SCML2: variants seen among roughly 807,000 people sequenced by gnomAD.
The protein encoded by SCML2 is Scm polycomb group protein like 2.
Under a neutral mutation model 48.4 loss-of-function variants are expected in SCML2, and 6 were observed. The ratio of observed to expected loss-of-function variants is 0.12; its 90% confidence interval spans 0.07 to 0.24. SCML2 has a LOEUF of 0.24. Ranked by LOEUF, SCML2 falls within the 10% of genes least tolerant of loss-of-function variation. The probability of loss-of-function intolerance (pLI) is 1.00; values close to 1 mark genes in which losing one functional copy is unlikely to be tolerated. For synonymous variants in SCML2, 181 were observed against 189.5 expected (o/e 0.95, Z 0.37); for missense variants, 377 against 528.2 (o/e 0.71, Z 2.81).
intron 7 of SCML2, among the ~76,000 whole-genome samples, chrX:18,274,400 AG>A (rs1315522220): frequency 8.9e-6 from 1 of 112,318 alleles, no homozygotes; most frequent in Non-Finnish European, 1.9e-5. Flanking sequence ...CCACCCATGA[AG>A]GGGTCAGGGA....
intron 7 of SCML2, among the ~76,000 whole-genome samples, chrX:18,284,654 C>A (rs1025349536): frequency 1.8e-5 from 2 of 112,433 alleles, no homozygotes; most frequent in Non-Finnish European, 3.8e-5. Flanking sequence ...AAAAAATGCT[C>A]ATCATCACTA....
intron 7 of SCML2, among the ~76,000 whole-genome samples, chrX:18,270,156 T>C (rs1258241910): frequency 9.3e-6 from 1 of 107,843 alleles, no homozygotes; most frequent in East Asian, 2.9e-4. Flanking sequence ...GCCTCCCAAG[T>C]AGCTAGGACT....
intron 1 of SCML2, among the ~76,000 whole-genome samples, chrX:18,340,914 A>G (rs895363687): frequency 8.9e-6 from 1 of 111,826 alleles, no homozygotes; most frequent in Non-Finnish European, 1.9e-5. Flanking sequence ...GTTCATAACT[A>G]TATTTATCAA....
intron 8 of SCML2, 152 bp downstream of exon 8, chrX:18,265,433 C>T (rs990312869): frequency 8.7e-6 from 4 of 457,194 alleles, no homozygotes; most frequent in African/African-American, 4.8e-5. Context: ...AACAATCTAT[C>T]GATAGTTATG....
intron 6 of SCML2, among the ~76,000 whole-genome samples, chrX:18,315,618 A>G (rs1417665333): frequency 9.0e-6 from 1 of 111,403 alleles, no homozygotes; most frequent in African/African-American, 3.3e-5. Flanking sequence ...ACACACGCCT[A>G]TGATAAAAAC....
intron 13 of SCML2, 128 bp downstream of exon 13, chrX:18,246,449 G>A (rs1569135721): frequency 1.6e-6 from 1 of 635,300 alleles, no homozygotes; most frequent in Non-Finnish European, 2.4e-6. Flanking sequence ...ACAGTGATGT[G>A]AAAGAGAGGA....
intron 7 of SCML2, among the ~76,000 whole-genome samples, chrX:18,301,644 G>A (rs1443177111): frequency 9.0e-6 from 1 of 110,635 alleles, no homozygotes; most frequent in Non-Finnish European, 1.9e-5. Flanking sequence ...ATGGTAACAC[G>A]TGCCTGTAGT....
intron 7 of SCML2, among the ~76,000 whole-genome samples, chrX:18,269,239 C>A (rs1927363992): frequency 9.0e-6 from 1 of 111,693 alleles, no homozygotes; most frequent in African/African-American, 3.3e-5. Context: ...TTTCCATAAT[C>A]CCCACATGTC....
intron 7 of SCML2, among the ~76,000 whole-genome samples, chrX:18,294,989 C>A (rs750374565): frequency 1.8e-5 from 2 of 111,036 alleles, no homozygotes; most frequent in Non-Finnish European, 3.8e-5. Context: ...CTAGCAATTA[C>A]CCCCCACCCC....
chrX:18,298,730 G>C (rs1928479832), intron 7 of SCML2, among the ~76,000 whole-genome samples: 1 of 109,802 alleles, frequency 9.1e-6, no homozygotes, highest in Non-Finnish European at 1.9e-5. Flanking sequence ...GGCTGAGGTA[G>C]AAGAACTGCT....
At chrX:18,316,335 G>A (rs1262273009) in intron 6 of SCML2, among the ~76,000 whole-genome samples, 2 of 112,078 alleles carry the variant, frequency 1.8e-5, no homozygotes, top group Non-Finnish European at 3.8e-5. Flanking sequence ...GTTGCAGTGA[G>A]CTGAGGTCAC....
At chrX:18,287,711 G>A (rs1001700366) in intron 7 of SCML2, among the ~76,000 whole-genome samples, 2 of 111,602 alleles carry the variant, frequency 1.8e-5, no homozygotes, top group Non-Finnish European at 3.8e-5. Context: ...TCCCTACCCT[G>A]TTATATAATT....
chrX:18,311,283 T>C (rs946518168), intron 6 of SCML2, among the ~76,000 whole-genome samples: 2 of 112,010 alleles, frequency 1.8e-5, no homozygotes, highest in Non-Finnish European at 3.8e-5. Context: ...TTGGGATATA[T>C]TAACAAGCAA....
intron 1 of SCML2, among the ~76,000 whole-genome samples, chrX:18,343,723 T>C (rs1284768789): frequency 1.1e-5 from 1 of 93,704 alleles, no homozygotes; most frequent in African/African-American, 4.1e-5. Context: ...ATGGCGCCAC[T>C]GCAGTCCAGC....
chrX:18,267,735 G>A (rs1235047947), intron 7 of SCML2, among the ~76,000 whole-genome samples: 4 of 109,169 alleles, frequency 3.7e-5, no homozygotes, highest in Non-Finnish European at 7.6e-5. Flanking sequence ...ACAGGCGCCC[G>A]CCACTACGCC....
In SCML2 at chrX:18,349,272, G is replaced by A. The variant is rs183939720; in HGVS notation, c.-25+5320C>T. 5.2e-4 allele frequency among the ~76,000 whole-genome samples: 58 copies of A among 112,234 alleles called. No homozygotes were observed. The East Asian group carries it at 0.013, about 25-fold the overall frequency. ...AAACTTAGGAAGAGGCAGAGCCATAGCCATAAACACAGGTCACAAGTAGTA... is the reference window on the plus strand; with the variant it reads ...AAACTTAGGAAGAGGCAGAGCCATAACCATAAACACAGGTCACAAGTAGTA... On this transcript the variant is annotated intron_variant, in intron 1 of 14. Coordinates refer to ENST00000251900, the MANE Select transcript of SCML2 (RefSeq NM_006089.3).
intron 7 of SCML2, among the ~76,000 whole-genome samples, chrX:18,266,534 G>A (rs1927263261): frequency 9.0e-6 from 1 of 111,588 alleles, no homozygotes; most frequent in South Asian, 3.7e-4. Flanking sequence ...AAAGAGATAT[G>A]TTTAGTATTA....
intron 6 of SCML2, among the ~76,000 whole-genome samples, chrX:18,310,525 C>T (rs1928916942): frequency 9.0e-6 from 1 of 110,950 alleles, no homozygotes; most frequent in African/African-American, 3.3e-5. Context: ...CTCGGCCTCC[C>T]AAAGTGCTGG....
At chrX:18,293,499 A>T (rs1007018358) in intron 7 of SCML2, among the ~76,000 whole-genome samples, 2 of 112,055 alleles carry the variant, frequency 1.8e-5, no homozygotes, top group South Asian at 7.4e-4. Flanking sequence ...TTCTACTCTT[A>T]ACTGCTTCCA....
Sources: allele counts gnomAD v4.1 joint callset (sites outside exome capture counted in the v4.1 genomes callset), GRCh38; gene constraint gnomAD v4.1.1; transcripts MANE v1.5; gene names NCBI Gene and HGNC (gene_info 2026-07-23, HGNC 2026-07-21).